Variants in SLC60A1 observed in about 807,000 individuals in gnomAD.
The protein encoded by SLC60A1 is major facilitator superfamily domain containing 4.
the SLC60A1 span, among the ~76,000 whole-genome samples, chr1:205,587,923 G>C: frequency 6.6e-6 from 1 of 152,126 alleles, no homozygotes; most frequent in African/African-American, 2.4e-5. Context: ...GGAAAATAAA[G>C]GTCTGAAGCA....
At chr1:205,589,650 C>T in the SLC60A1 span, among the ~76,000 whole-genome samples, 3 of 152,114 alleles carry the variant, frequency 2.0e-5, no homozygotes, top group East Asian at 5.8e-4. Context: ...CAGGGTCTCA[C>T]TATGTTGCCC....
the SLC60A1 span, among the ~76,000 whole-genome samples, chr1:205,577,314 G>C: frequency 6.6e-6 from 1 of 152,246 alleles, no homozygotes; most frequent in African/African-American, 2.4e-5. This position sits in a 1 kb window ranked among gnomAD's most constrained non-coding sequence, Gnocchi z 5.2. Flanking sequence ...GCCACCCCAT[G>C]TGGGCTGGCA....
chr1:205,599,275 A>G, the SLC60A1 span: 2 of 1,612,724 alleles, frequency 1.2e-6, no homozygotes, highest in African/African-American at 1.3e-5. Context: ...CTGTTTCTAC[A>G]CAAGAGGAGG....
chr1:205,596,710 G>A, the SLC60A1 span, among the ~76,000 whole-genome samples: 2 of 152,174 alleles, frequency 1.3e-5, no homozygotes, highest in African/African-American at 2.4e-5. Flanking sequence ...ATTAGCAGGG[G>A]CAGAGTCTAA....
At chr1:205,584,958 C>T in the SLC60A1 span, 17 of 1,614,008 alleles carry the variant, frequency 1.1e-5, no homozygotes, top group South Asian at 2.2e-5. Flanking sequence ...ACATCACGGG[C>T]GCCCTGGTAC....
At chr1:205,584,902 C>G in the SLC60A1 span, 1 of 1,614,074 alleles carries the variant, frequency 6.2e-7, no homozygotes, top group Admixed American at 1.7e-5. Context: ...CAGCTGCTGC[C>G]AAAGGAAGAA....
At chr1:205,583,028 C>T in the SLC60A1 span, among the ~76,000 whole-genome samples, 2 of 152,182 alleles carry the variant, frequency 1.3e-5, no homozygotes, top group Non-Finnish European at 2.9e-5. Context: ...CTCTGGGAGA[C>T]ATCTGCAGCT....
the SLC60A1 span, chr1:205,586,022 G>A: frequency 1.9e-6 from 3 of 1,576,762 alleles, no homozygotes; most frequent in Non-Finnish European, 2.6e-6. Flanking sequence ...ACAGCGCCCG[G>A]TCTCTCCACA....
the SLC60A1 span, among the ~76,000 whole-genome samples, chr1:205,577,508 A>G: frequency 2.0e-5 from 3 of 152,086 alleles, no homozygotes; most frequent in South Asian, 4.2e-4. This position sits in a 1 kb window ranked among gnomAD's most constrained non-coding sequence, Gnocchi z 5.2. Context: ...ATCTCTGCTA[A>G]CCCCCGCAGA....
chr1:205,592,603 C>T, the SLC60A1 span, among the ~76,000 whole-genome samples: 1 of 152,042 alleles, frequency 6.6e-6, no homozygotes, highest in Non-Finnish European at 1.5e-5. Flanking sequence ...CACCATCTCC[C>T]AGCGAGAACG....
At chr1:205,580,186 G>C in the SLC60A1 span, among the ~76,000 whole-genome samples, 2 of 152,174 alleles carry the variant, frequency 1.3e-5, no homozygotes, top group Non-Finnish European at 2.9e-5. The surrounding 1 kb of genome is among the most constrained non-coding windows in gnomAD (Gnocchi z 5.0). Context: ...GAAAGGTGGT[G>C]TGACTCAGGG....
the SLC60A1 span, among the ~76,000 whole-genome samples, chr1:205,586,724 T>G: frequency 1.4e-5 from 2 of 147,222 alleles, no homozygotes; most frequent in South Asian, 2.2e-4. Flanking sequence ...TGAGATAGGG[T>G]CTCCCTTTGT....
At chr1:205,583,605 C>G in the SLC60A1 span, among the ~76,000 whole-genome samples, 1 of 152,196 alleles carries the variant, frequency 6.6e-6, no homozygotes, top group South Asian at 2.1e-4. Context: ...TAAAGCATCA[C>G]GCAACCCACC....
At chr1:205,589,689 C>T in the SLC60A1 span, among the ~76,000 whole-genome samples, 19 of 152,160 alleles carry the variant, frequency 1.2e-4, no homozygotes, top group African/African-American at 3.9e-4. Flanking sequence ...TGGGCCCAAG[C>T]GATCCTTCCT....
the SLC60A1 span, among the ~76,000 whole-genome samples, chr1:205,574,012 T>G: frequency 6.6e-6 from 1 of 152,138 alleles, no homozygotes; most frequent in Non-Finnish European, 1.5e-5. Flanking sequence ...ATAAGATTTC[T>G]TTTTGGGGTG....
the SLC60A1 span, chr1:205,579,860 C>T: frequency 3.0e-5 from 49 of 1,614,042 alleles, no homozygotes; most frequent in Non-Finnish European, 3.9e-5. Flanking sequence ...AGTCATGGCG[C>T]TGGCGGGCTT....
At chr1:205,580,941 G>T in the SLC60A1 span, 1 of 1,609,360 alleles carries the variant, frequency 6.2e-7, no homozygotes, top group Non-Finnish European at 8.5e-7. The surrounding 1 kb of genome is among the most constrained non-coding windows in gnomAD (Gnocchi z 5.0). Flanking sequence ...CCTGGGGTGG[G>T]CCAGGTAGGG....
At chr1:205,580,601 C>G in the SLC60A1 span, 1 of 1,582,496 alleles carries the variant, frequency 6.3e-7, no homozygotes, top group Non-Finnish European at 8.6e-7. The surrounding 1 kb of genome is among the most constrained non-coding windows in gnomAD (Gnocchi z 5.0). Flanking sequence ...GCCAGGCCAC[C>G]ACTTCCCCGG....
the SLC60A1 span, among the ~76,000 whole-genome samples, chr1:205,570,890 T>A: frequency 6.6e-6 from 1 of 152,150 alleles, no homozygotes; most frequent in Non-Finnish European, 1.5e-5. Context: ...GGAAGGAGGA[T>A]AATTTGAAAT....
Sources: allele counts gnomAD v4.1 joint callset (sites outside exome capture counted in the v4.1 genomes callset), GRCh38; gene constraint gnomAD v4.1.1; non-coding constraint Gnocchi (gnomAD v3.1); transcripts MANE v1.5; gene names NCBI Gene and HGNC (gene_info 2026-07-23, HGNC 2026-07-21).